HDAC4: variants seen among roughly 807,000 people sequenced by gnomAD.
HDAC4 encodes histone deacetylase 4.
In HDAC4, 16 loss-of-function variants were observed where a neutral mutation model predicts 135.1. The ratio of observed to expected loss-of-function variants is 0.12; its 90% CI spans 0.08 to 0.18. The LOEUF is 0.18. HDAC4 is among the 10% of genes least tolerant of loss of function. HDAC4 has a pLI of 1.00. For missense variants in HDAC4, 1,143 were observed against 1,511.8 expected (o/e 0.76, Z 4.05); for synonymous variants, 685 against 653.4 (o/e 1.05, Z -0.74).
intron 2 of HDAC4, among the ~76,000 whole-genome samples, chr2:239,273,464 G>A (rs561409277): frequency 6.6e-6 from 1 of 152,170 alleles, no homozygotes; most frequent in Non-Finnish European, 1.5e-5. Context: ...GCTGATGAGG[G>A]CACTTCCTCT....
intron 6 of HDAC4, among the ~76,000 whole-genome samples, chr2:239,159,577 C>T (rs1575232745): frequency 6.6e-6 from 1 of 151,820 alleles, no homozygotes; most frequent in African/African-American, 2.4e-5. Flanking sequence ...CACCTGTCAC[C>T]TTTCCCACAC....
chr2:239,380,896 C>T (rs574013525), intron 1 of HDAC4, among the ~76,000 whole-genome samples: 118 of 152,226 alleles, frequency 7.8e-4, no homozygotes, highest in South Asian at 1.2e-3. Context: ...TAAACGTTCC[C>T]GTACACAGCG....
At chr2:239,133,763 G>A (rs115509606) in intron 11 of HDAC4, among the ~76,000 whole-genome samples, 14 of 152,304 alleles carry the variant, frequency 9.2e-5, no homozygotes, top group African/African-American at 2.6e-4. Context: ...CACCGTGTCC[G>A]GCCGGTGTGC....
intron 5 of HDAC4, among the ~76,000 whole-genome samples, chr2:239,172,139 A>G (rs2043486148): frequency 6.6e-6 from 1 of 152,082 alleles, no homozygotes; most frequent in African/African-American, 2.4e-5. Context: ...TAGTATATAA[A>G]TTAAGAGTTA....
intron 2 of HDAC4, among the ~76,000 whole-genome samples, chr2:239,243,953 G>A (rs1036585474): frequency 2.0e-5 from 3 of 152,186 alleles, no homozygotes; most frequent in Non-Finnish European, 4.4e-5. Flanking sequence ...TCTCTTGGCT[G>A]CAACAGTATC....
intron 9 of HDAC4, among the ~76,000 whole-genome samples, chr2:239,136,784 C>T (rs1559494824): frequency 2.6e-5 from 4 of 152,174 alleles, no homozygotes; most frequent in Admixed American, 1.3e-4. Flanking sequence ...TAGGAAGAAA[C>T]GCTTCTCCTG....
chr2:239,253,671 T>C (rs952627150), intron 2 of HDAC4, among the ~76,000 whole-genome samples: 31 of 152,162 alleles, frequency 2.0e-4, no homozygotes, highest in African/African-American at 5.6e-4. Context: ...GAAACAGTTA[T>C]GAAGATAGAA....
intron 3 of HDAC4, among the ~76,000 whole-genome samples, chr2:239,209,070 G>A (rs571794515): frequency 6.6e-6 from 1 of 152,266 alleles, no homozygotes; most frequent in South Asian, 2.1e-4. Context: ...TTTTAAAGAG[G>A]GGGTTTCGCC....
intron 2 of HDAC4, among the ~76,000 whole-genome samples, chr2:239,261,224 C>T (rs538723725): frequency 6.6e-6 from 1 of 152,218 alleles, no homozygotes; most frequent in African/African-American, 2.4e-5. Flanking sequence ...AATCAAGAAA[C>T]GTGCAGGTGA....
At chr2:239,166,194 G>A (rs1380633509) in intron 5 of HDAC4, among the ~76,000 whole-genome samples, 2 of 152,104 alleles carry the variant, frequency 1.3e-5, no homozygotes, top group African/African-American at 4.8e-5. Flanking sequence ...TTTAATGTCT[G>A]GTCAAGGGTC....
At chr2:239,081,591 A>T (rs1458915731) in intron 21 of HDAC4, among the ~76,000 whole-genome samples, 1 of 152,166 alleles carries the variant, frequency 6.6e-6, no homozygotes, top group East Asian at 1.9e-4. Context: ...AAAAAATAAT[A>T]TCCAGAGGCA....
chr2:239,281,638 T>G (rs972492223), intron 2 of HDAC4, among the ~76,000 whole-genome samples: 2 of 147,784 alleles, frequency 1.4e-5, no homozygotes, highest in African/African-American at 5.1e-5. Flanking sequence ...CACTCTACAA[T>G]GTACACACCA....
At chr2:239,131,637 C>A (rs1420322996) in intron 11 of HDAC4, among the ~76,000 whole-genome samples, 3 of 152,122 alleles carry the variant, frequency 2.0e-5, no homozygotes, top group Admixed American at 1.3e-4. Context: ...GCTGGCCTGG[C>A]TGCTGTACCG....
intron 2 of HDAC4, among the ~76,000 whole-genome samples, chr2:239,264,016 G>T (rs1309281244): frequency 6.6e-6 from 1 of 152,140 alleles, no homozygotes; most frequent in Non-Finnish European, 1.5e-5. Context: ...GGACCTTTGG[G>T]GTGGGGGCCA....
chr2:239,106,472 C>T (rs2038141857), intron 15 of HDAC4, among the ~76,000 whole-genome samples: 1 of 152,102 alleles, frequency 6.6e-6, no homozygotes, highest in South Asian at 2.1e-4. Flanking sequence ...GAAGGAGTTT[C>T]CTGCAGCCAG....
intron 1 of HDAC4, among the ~76,000 whole-genome samples, chr2:239,380,402 T>G (rs1695336218): frequency 6.6e-6 from 1 of 152,252 alleles, no homozygotes; most frequent in Non-Finnish European, 1.5e-5. Context: ...ACATATTTTA[T>G]CTATGTGTAG....
At chr2:239,162,033 G>A in intron 6 of HDAC4, 1 of 436,640 alleles carries the variant, frequency 2.3e-6, no homozygotes, top group South Asian at 1.6e-5. Context: ...CTGACTCCTG[G>A]GCGAGGGGGC....
At chr2:239,185,724 G>A (rs1028425554) in intron 4 of HDAC4, among the ~76,000 whole-genome samples, 1 of 152,184 alleles carries the variant, frequency 6.6e-6, no homozygotes, top group Non-Finnish European at 1.5e-5. Context: ...CTTCTGGGAG[G>A]CATTGATCAG....
chr2:239,380,117 A>C (rs1695310912), intron 1 of HDAC4, among the ~76,000 whole-genome samples: 1 of 152,218 alleles, frequency 6.6e-6, no homozygotes, highest in African/African-American at 2.4e-5. Flanking sequence ...CAGAGCCAAG[A>C]GGGCCCTCAT....
Sources: gnomAD v4.1 joint callset for allele counts (sites outside exome capture counted in the v4.1 genomes callset) on GRCh38, gnomAD v4.1.1 for gene constraint, MANE v1.5 for transcripts, NCBI Gene and HGNC (gene_info 2026-07-23, HGNC 2026-07-21) for gene names.